Variants in AFF1 observed in about 807,000 individuals in gnomAD.
AFF1 encodes the protein ALF transcription elongation factor 1.
Under a neutral mutation model 121.7 loss-of-function variants are expected in AFF1, and 48 were observed. The observed-to-expected ratio is 0.39, with a 90% CI of 0.31 to 0.50. The LOEUF (loss-of-function observed/expected upper bound fraction) is 0.50. Among genes scored for constraint, AFF1 ranks in the 20% least tolerant of loss-of-function variants. The pLI, the probability that AFF1 is intolerant of heterozygous loss-of-function variation, is 0.76. For missense variants in AFF1, 1,523 were observed against 1,511.7 expected (o/e 1.01, Z -0.12); for synonymous variants, 613 against 563.0 (o/e 1.09, Z -1.26).
chr4:87,114,280 C>G, intron 11 of AFF1, 87 bp from the exon 12 acceptor site: 1 of 1,200,654 alleles, frequency 8.3e-7, no homozygotes, highest in Non-Finnish European at 1.1e-6. Context: ...CTCTGCAGGA[C>G]AGTGTTGTAT....
chr4:87,126,855 C>T (rs193024492), intron 14 of AFF1, among the ~76,000 whole-genome samples, 171 bp from the exon 15 acceptor site: 18 of 152,224 alleles, frequency 1.2e-4, no homozygotes, highest in African/African-American at 3.9e-4. Flanking sequence ...TCAGAACCAC[C>T]GCTTCAGTTG....
At chr4:86,952,421 G>T (rs1255459329) in intron 2 of AFF1, among the ~76,000 whole-genome samples, 1 of 152,112 alleles carries the variant, frequency 6.6e-6, no homozygotes, top group Non-Finnish European at 1.5e-5. Context: ...TACTGATGTT[G>T]GTTCCTGTGT....
intron 18 of AFF1, 55 bp from the exon 19 acceptor site, chr4:87,132,216 T>C: frequency 6.3e-7 from 1 of 1,578,806 alleles, no homozygotes; most frequent in African/African-American, 1.4e-5. Context: ...GTTAGATGGC[T>C]GCTTTTCTGT....
intron 2 of AFF1, among the ~76,000 whole-genome samples, chr4:87,022,572 ATATATATATATCTATC>A (rs1443624451): frequency 1.3e-5 from 1 of 76,060 alleles, no homozygotes; most frequent in Admixed American, 1.4e-4. Context: ...ATATATATAT[ATATATATATATCTATC>A]TATATCTATC....
intron 5 of AFF1, among the ~76,000 whole-genome samples, chr4:87,084,600 AT>A (rs1723530371): frequency 8.2e-6 from 1 of 121,582 alleles, no homozygotes; most frequent in African/African-American, 2.9e-5. Context: ...AAATAAATAA[AT>A]AAAAAATAAA....
At chr4:86,983,961 C>T (rs965920808) in intron 2 of AFF1, among the ~76,000 whole-genome samples, 10 of 151,518 alleles carry the variant, frequency 6.6e-5, no homozygotes, top group Non-Finnish European at 1.3e-4. Context: ...GGTGTGAACC[C>T]GGGAGGTGGA....
intron 4 of AFF1, among the ~76,000 whole-genome samples, chr4:87,061,538 A>G (rs966243138): frequency 2.8e-4 from 43 of 152,248 alleles, no homozygotes; most frequent in Non-Finnish European, 5.6e-4. Context: ...AGTTGCCAAC[A>G]TCTAAAAATT....
chr4:87,121,634 A>C (rs762261925), intron 12 of AFF1, among the ~76,000 whole-genome samples: 146 of 152,350 alleles, frequency 9.6e-4, no homozygotes, highest in Middle Eastern at 3.4e-3. Context: ...GTTAAGCAAA[A>C]TCAGCAGAAG....
At chr4:87,013,400 A>G (rs1199488530) in intron 2 of AFF1, among the ~76,000 whole-genome samples, 2 of 151,566 alleles carry the variant, frequency 1.3e-5, no homozygotes, top group African/African-American at 4.9e-5. Flanking sequence ...CAGATTTAAT[A>G]TATTAAGAGA....
At chr4:86,982,848 C>CAAAAAAAAAAAAAAAAAAAAAAAAA (rs59568294) in intron 2 of AFF1, among the ~76,000 whole-genome samples, 1 of 53,806 alleles carries the variant, frequency 1.9e-5, no homozygotes, top group African/African-American at 6.8e-5. Flanking sequence ...ACTCTGTCTC[C>CAAAAAAAAAAAAAAAAAAAAAAAAA]AAAAAAAAAA....
At chr4:87,120,414 G>T (rs986114169) in intron 12 of AFF1, among the ~76,000 whole-genome samples, 1 of 152,176 alleles carries the variant, frequency 6.6e-6, no homozygotes, top group African/African-American at 2.4e-5. Context: ...TTTAGGTGCG[G>T]AAAGAACCTT....
At chr4:86,951,608 C>CTTTTTTTTTTTTTTTT (rs1344583304) in intron 2 of AFF1, among the ~76,000 whole-genome samples, 1 of 111,062 alleles carries the variant, frequency 9.0e-6, no homozygotes, top group African/African-American at 3.3e-5. Context: ...TTTTCTTTTT[C>CTTTTTTTTTTTTTTTT]TTTTTTCTTT....
rs1728911699 is a variant in AFF1 at position 87,132,379 on chromosome 4, C to T, written c.3282C>T (p.Val1094=). The T allele has an allele frequency of 5.0e-6, 8 of 1,612,116 alleles. No individual in the cohort carries two copies. Among genetic ancestry groups the T allele is most frequent in the African/African-American group, 2.7e-5 (2 of 74,908 alleles). Residue 1094 remains valine, a synonymous_variant, in exon 19 of 21, where the codon GTC becomes GTT. Coordinates refer to ENST00000395146, the MANE Select transcript of AFF1 (RefSeq NM_001166693.3). ...LNKHFESSSK[V]AQAPSPCIAR... ...AACACTTCGAGAGTTCTTCCAAAGT[C>T]GCCCAGGCACCTTCTCCATGCATTG...
chr4:86,953,937 C>A (rs1721561303), intron 2 of AFF1, among the ~76,000 whole-genome samples: 1 of 152,148 alleles, frequency 6.6e-6, no homozygotes, highest in Admixed American at 6.5e-5. Flanking sequence ...GCTCAAACTC[C>A]TGACCTTAGG....
At chr4:86,941,175 C>T (rs1720426083) in intron 1 of AFF1, among the ~76,000 whole-genome samples, 1 of 152,072 alleles carries the variant, frequency 6.6e-6, no homozygotes, top group Non-Finnish European at 1.5e-5. Flanking sequence ...GGAGACTATC[C>T]CTAATTTTCC....
intron 13 of AFF1, 38 bp downstream of exon 13, chr4:87,125,181 A>T (rs1408865133): frequency 2.7e-6 from 4 of 1,508,694 alleles, no homozygotes; most frequent in South Asian, 1.2e-5. Flanking sequence ...ATCTACGGTG[A>T]TCAACACTTC....
At chr4:86,969,651 C>T (rs1722786795) in intron 2 of AFF1, among the ~76,000 whole-genome samples, 1 of 150,694 alleles carries the variant, frequency 6.6e-6, no homozygotes, top group African/African-American at 2.4e-5. Context: ...GAGGCCGAGG[C>T]AGGCGGATCA....
chr4:86,973,976 T>C, intron 2 of AFF1: 1 of 152,160 alleles, frequency 6.6e-6, no homozygotes, highest in Non-Finnish European at 1.5e-5. Context: ...TGTGAAACAA[T>C]GTGATAAACG....
rs146415711 is a variant in AFF1 at position 87,033,793 on chromosome 4, G to A, written c.39-12373G>A. 9.1e-4 allele frequency among the ~76,000 whole-genome samples: 138 copies of A among 152,082 alleles called. 1 individual carries two copies. The highest frequency in any genetic ancestry group is 2.8e-3 in the African/African-American group (118 of 41,488). On this transcript the variant is annotated intron_variant, in intron 2 of 20. Transcript: ENST00000395146. Reference sequence around the variant, plus strand: ...AGTTTAGAGAATGTTCTTCATAACTGCCTGTTTTTTTTTAAATGTTATTAT... The same window carrying A: ...AGTTTAGAGAATGTTCTTCATAACTACCTGTTTTTTTTTAAATGTTATTAT...
Sources: allele counts gnomAD v4.1 joint callset (sites outside exome capture counted in the v4.1 genomes callset), GRCh38; gene constraint gnomAD v4.1.1; transcripts MANE v1.5; gene names NCBI Gene and HGNC (gene_info 2026-07-23, HGNC 2026-07-21).